The following LNX1 variants were observed in gnomAD, a reference collection of about 807,000 sequenced individuals.
The protein encoded by LNX1 is ligand of numb-protein X 1, also known as E3 ubiquitin-protein ligase LNX.
LNX1 carries 54 observed loss-of-function variants against 68.4 expected under a neutral mutation model. The observed-to-expected ratio is 0.79, with a 90% CI of 0.63 to 0.99. The LOEUF (loss-of-function observed/expected upper bound fraction) is 0.99. Among genes scored for constraint, LNX1 ranks in the 50% least tolerant of loss-of-function variants. The probability of loss-of-function intolerance (pLI) is 0.00; values close to 1 mark genes in which losing one functional copy is unlikely to be tolerated. For missense variants in LNX1, 906 were observed against 926.4 expected, an observed-to-expected ratio of 0.98 and a Z score of 0.29; for synonymous variants, 336 against 350.0, an observed-to-expected ratio of 0.96 and a Z score of 0.45.
chr4:53,473,678 G>A (rs1259489290), intron 9 of LNX1, among the ~76,000 whole-genome samples: 1 of 152,158 alleles, frequency 6.6e-6, no homozygotes, highest in South Asian at 2.1e-4. Context: ...AGGAGGAAGA[G>A]GATCAGCAAA....
chr4:53,470,180 G>T (rs1289564066), intron 9 of LNX1, among the ~76,000 whole-genome samples: 1 of 152,164 alleles, frequency 6.6e-6, no homozygotes, highest in Non-Finnish European at 1.5e-5. Context: ...TGGAAGGCTG[G>T]TTCAACATAT....
At chr4:53,573,281 A>G (rs1731277401) in intron 2 of LNX1, among the ~76,000 whole-genome samples, 1 of 152,210 alleles carries the variant, frequency 6.6e-6, no homozygotes. Context: ...TAGAGTTTCC[A>G]TTATGGAAGA....
At chr4:53,496,722 T>C (rs1412161599) in intron 5 of LNX1, 1 of 252,454 alleles carries the variant, frequency 4.0e-6, no homozygotes, top group African/African-American at 2.2e-5. Context: ...GGAAGGAAGA[T>C]AAGGTAGGAA....
intron 6 of LNX1, among the ~76,000 whole-genome samples, chr4:53,493,782 A>C (rs1480062267): frequency 6.6e-6 from 1 of 152,232 alleles, no homozygotes; most frequent in Non-Finnish European, 1.5e-5. Flanking sequence ...GGAAGTTGAC[A>C]TAGACTTGCT....
At chr4:53,472,515 A>C (rs1420077275) in intron 9 of LNX1, among the ~76,000 whole-genome samples, 1 of 151,984 alleles carries the variant, frequency 6.6e-6, no homozygotes, top group Non-Finnish European at 1.5e-5. Flanking sequence ...GAAAGACACA[A>C]GGGATCCTAA....
chr4:53,534,069 T>C (rs1280117132), intron 2 of LNX1, among the ~76,000 whole-genome samples: 2 of 152,188 alleles, frequency 1.3e-5, no homozygotes, highest in African/African-American at 2.4e-5. Context: ...TGTATCCAAG[T>C]AAGACTTGTG....
intron 2 of LNX1, among the ~76,000 whole-genome samples, chr4:53,551,436 T>C (rs1184505596): frequency 6.6e-6 from 1 of 151,910 alleles, no homozygotes; most frequent in Non-Finnish European, 1.5e-5. Flanking sequence ...ATCTCAGGAG[T>C]TGGGTGAGTG....
chr4:53,499,549 C>A (rs760845351), intron 4 of LNX1, among the ~76,000 whole-genome samples: 3 of 152,224 alleles, frequency 2.0e-5, no homozygotes, highest in Non-Finnish European at 2.9e-5. Context: ...TATATCTCTG[C>A]ATGCAGAGGC....
intron 1 of LNX1, among the ~76,000 whole-genome samples, chr4:53,583,174 A>G (rs1381441161): frequency 5.3e-5 from 8 of 152,236 alleles, no homozygotes; most frequent in Non-Finnish European, 7.3e-5. Context: ...ATAAAGGCCA[A>G]TTGTAAATGA....
intron 1 of LNX1, among the ~76,000 whole-genome samples, chr4:53,577,386 T>G (rs1290964073): frequency 6.6e-6 from 1 of 152,202 alleles, no homozygotes; most frequent in Non-Finnish European, 1.5e-5. Flanking sequence ...CAGGCTGCAG[T>G]GCGGCCATAC....
intron 2 of LNX1, among the ~76,000 whole-genome samples, chr4:53,513,997 C>G (rs565273838): frequency 6.6e-6 from 1 of 152,330 alleles, no homozygotes; most frequent in Non-Finnish European, 1.5e-5. Flanking sequence ...TCTTCAGGGC[C>G]TCTGCACTTT....
At chr4:53,609,310 T>G (rs1182912657) in intron 2 of LNX1, among the ~76,000 whole-genome samples, 1 of 151,750 alleles carries the variant, frequency 6.6e-6, no homozygotes, top group Non-Finnish European at 1.5e-5. Flanking sequence ...GAAAAAAGTG[T>G]TTAAGAACTA....
intron 1 of LNX1, among the ~76,000 whole-genome samples, chr4:53,634,746 G>A (rs1346429237): frequency 1.3e-5 from 2 of 152,038 alleles, no homozygotes; most frequent in Admixed American, 6.6e-5. Flanking sequence ...TCCGAGGGGT[G>A]GCGGTTTACT....
chr4:53,641,912 T>A (rs1734700580), intron 1 of LNX1, among the ~76,000 whole-genome samples: 2 of 152,220 alleles, frequency 1.3e-5, no homozygotes, highest in African/African-American at 4.8e-5. Flanking sequence ...ACAGTCTGTT[T>A]ATTCATTCAC....
At chr4:53,464,087 A>G (rs191818874) in intron 9 of LNX1, among the ~76,000 whole-genome samples, 3 of 152,254 alleles carry the variant, frequency 2.0e-5, no homozygotes. Context: ...ACGACAGTGG[A>G]TGTAGGATGT....
intron 6 of LNX1, among the ~76,000 whole-genome samples, chr4:53,485,268 C>T (rs1365277859): frequency 7.9e-5 from 12 of 152,098 alleles, no homozygotes; most frequent in South Asian, 2.1e-4. Flanking sequence ...GGGGAAACTC[C>T]GATGTTTTGA....
intron 2 of LNX1, among the ~76,000 whole-genome samples, chr4:53,538,512 C>T (rs1028329552): frequency 3.3e-5 from 5 of 152,148 alleles, no homozygotes; most frequent in African/African-American, 7.2e-5. Context: ...CGTTGAAAAA[C>T]CACTCCATTA....
chr4:53,481,200 T>C (rs554651664), intron 7 of LNX1, among the ~76,000 whole-genome samples: 3 of 152,338 alleles, frequency 2.0e-5, no homozygotes, highest in African/African-American at 7.2e-5. Context: ...TTGAATGCCA[T>C]ATAACATGTG....
chr4:53,613,063 G>A (rs1733554670), intron 2 of LNX1, among the ~76,000 whole-genome samples: 1 of 150,016 alleles, frequency 6.7e-6, no homozygotes, highest in Non-Finnish European at 1.5e-5. Context: ...ATATAGCCAT[G>A]AGTAAAAATA....
Sources: allele counts gnomAD v4.1 joint callset (sites outside exome capture counted in the v4.1 genomes callset), GRCh38; gene constraint gnomAD v4.1.1; transcripts MANE v1.5; gene names NCBI Gene and HGNC (gene_info 2026-07-23, HGNC 2026-07-21).